The following HS6ST3 variants were observed in gnomAD, a reference collection of about 807,000 sequenced individuals.
The protein encoded by HS6ST3 is heparan sulfate 6-O-sulfotransferase 3, also known as heparan-sulfate 6-O-sulfotransferase 3.
HS6ST3 carries 12 observed loss-of-function variants against 36.7 expected under a neutral mutation model. That is an observed-to-expected ratio of 0.33 (90% confidence interval 0.21 to 0.53). HS6ST3 has a LOEUF of 0.53. HS6ST3 is among the 20% of genes least tolerant of loss of function. The pLI is 0.95. For synonymous variants in HS6ST3, 240 were observed against 257.5 expected, an observed-to-expected ratio of 0.93 and a Z score of 0.65; for missense variants, 584 against 640.9, an observed-to-expected ratio of 0.91 and a Z score of 0.96.
intron 1 of HS6ST3, among the ~76,000 whole-genome samples, chr13:96,257,478 G>A (rs2054642710): frequency 6.6e-6 from 1 of 152,114 alleles, no homozygotes; most frequent in Non-Finnish European, 1.5e-5. Flanking sequence ...GTGCCAAACT[G>A]TTTGGGTTTG....
chr13:96,202,681 T>C (rs554660862), intron 1 of HS6ST3, among the ~76,000 whole-genome samples: 1 of 152,266 alleles, frequency 6.6e-6, no homozygotes, highest in African/African-American at 2.4e-5. Context: ...CCAAGAGCTC[T>C]CAAGGATTTT....
In HS6ST3 at chr13:96,832,694, C is replaced by T. The variant is rs1001089895; in HGVS notation, c.912C>T (p.Asn304=). 21 of 1,613,854 alleles carry T rather than the reference C, an allele frequency of 1.3e-5. No homozygotes were observed. In the Admixed American group the frequency reaches 2.8e-4, roughly 22 times the overall value. Residue 304 remains asparagine, a synonymous_variant, in exon 2 of 2, where the codon AAC becomes AAT. Transcript: ENST00000376705. ...GGGAGTTTATGGATTGCACCTACAA[C>T]CTGGCTAACAATCGCCAGGTGCGCA... The part of the protein sequence containing the change: ...SLREFMDCTY[N]LANNRQVRML...
At chr13:96,523,189 C>T (rs181320780) in intron 1 of HS6ST3, among the ~76,000 whole-genome samples, 7 of 152,222 alleles carry the variant, frequency 4.6e-5, no homozygotes, top group African/African-American at 1.7e-4. Flanking sequence ...GAATATTGGC[C>T]CCCACTCTCT....
intron 1 of HS6ST3, among the ~76,000 whole-genome samples, chr13:96,715,823 T>C (rs1875681630): frequency 6.6e-6 from 1 of 152,168 alleles, no homozygotes; most frequent in Admixed American, 6.5e-5. Context: ...TTAAGAAACA[T>C]GTTATATCTA....
intron 1 of HS6ST3, among the ~76,000 whole-genome samples, chr13:96,669,203 A>G (rs2056675223): frequency 6.6e-6 from 1 of 152,138 alleles, no homozygotes; most frequent in Non-Finnish European, 1.5e-5. Flanking sequence ...CCCTATATGG[A>G]TATTGAGTTT....
chr13:96,650,872 A>G (rs536357973), intron 1 of HS6ST3, among the ~76,000 whole-genome samples: 1 of 152,198 alleles, frequency 6.6e-6, no homozygotes, highest in East Asian at 1.9e-4. Flanking sequence ...CATTCTGTCC[A>G]TTAAATTTCT....
intron 1 of HS6ST3, among the ~76,000 whole-genome samples, chr13:96,605,646 G>A (rs2056436033): frequency 6.6e-6 from 1 of 151,780 alleles, no homozygotes; most frequent in African/African-American, 2.4e-5. Context: ...TCAAGAAAAG[G>A]TTTCATTAAA....
At chr13:96,137,468 C>G (rs1444573517) in intron 1 of HS6ST3, among the ~76,000 whole-genome samples, 6 of 143,938 alleles carry the variant, frequency 4.2e-5, no homozygotes, top group Admixed American at 3.5e-4. Context: ...GAGTCTCGCT[C>G]TGTCACCCAG....
chr13:96,769,773 TGC>T (rs34112219), intron 1 of HS6ST3, among the ~76,000 whole-genome samples: 1,618 of 142,252 alleles, frequency 0.011, 17 homozygotes, highest in Non-Finnish European at 0.016. Context: ...TGTGTGTGTG[TGC>T]GCACATATGT....
intron 1 of HS6ST3, among the ~76,000 whole-genome samples, chr13:96,350,239 A>C (rs1379112639): frequency 6.6e-6 from 1 of 152,246 alleles, no homozygotes; most frequent in Non-Finnish European, 1.5e-5. Context: ...CATCATGCTC[A>C]CAACAGATGT....
intron 1 of HS6ST3, among the ~76,000 whole-genome samples, chr13:96,215,401 C>CGATG (rs774152823): frequency 5.9e-5 from 9 of 152,146 alleles, no homozygotes; most frequent in Non-Finnish European, 8.8e-5. Flanking sequence ...TATGAAATGC[C>CGATG]GATGGCAGTG....
At chr13:96,349,473 T>C (rs776711930) in intron 1 of HS6ST3, among the ~76,000 whole-genome samples, 1 of 152,158 alleles carries the variant, frequency 6.6e-6, no homozygotes, top group Non-Finnish European at 1.5e-5. Context: ...TTTTCAAAAA[T>C]TGAAATAGAA....
chr13:96,654,590 C>T (rs1281250203), intron 1 of HS6ST3, among the ~76,000 whole-genome samples: 4 of 152,174 alleles, frequency 2.6e-5, no homozygotes, highest in Admixed American at 6.6e-5. Context: ...TTACCAGTAC[C>T]GTGCTGTTTT....
In HS6ST3 at chr13:96,508,048, C is replaced by T. The variant is rs570599696; in HGVS notation, c.708-324442C>T. On this transcript the variant is annotated intron_variant, in intron 1 of 1. Coordinates refer to ENST00000376705, the MANE Select transcript of HS6ST3 (RefSeq NM_153456.4). ...CTACATGTTTGAAATTTAGACTTTA[C>T]CTATTGACTCTCTGCTGTGAAAGAG... Among the ~76,000 whole-genome samples, 4 of 152,116 alleles carry T rather than the reference C, an allele frequency of 2.6e-5. No individual in the cohort carries two copies. The South Asian group carries it at 8.3e-4, about 32-fold the overall frequency.
rs2056311928 is a variant in HS6ST3, at chr13:96,574,066, G to T, written c.708-258424G>T. 9.2e-6 allele frequency: 5 copies of T among 542,462 alleles called. No individual in the cohort carries two copies. The Admixed American group carries it at 9.6e-5, about 10-fold the overall frequency. 33.6% of individuals were successfully genotyped at this position (542,462 alleles called of 1,614,324 possible). On this transcript the variant is annotated intron_variant, in intron 1 of 1. Transcript: ENST00000376705. ...CATGGAAGACAGGGAGGGACAAGTGGCTTCATGGCTGCATTGGGACCTTCT... is the reference window on the plus strand; with the variant it reads ...CATGGAAGACAGGGAGGGACAAGTGTCTTCATGGCTGCATTGGGACCTTCT...
chr13:96,159,118 A>G (rs1337454325), intron 1 of HS6ST3, among the ~76,000 whole-genome samples: 1 of 152,172 alleles, frequency 6.6e-6, no homozygotes, highest in Admixed American at 6.5e-5. Context: ...ACAGAGGGGA[A>G]GGAGTATCCA....
chr13:96,529,051 A>G (rs1209612220), intron 1 of HS6ST3, among the ~76,000 whole-genome samples: 2 of 152,164 alleles, frequency 1.3e-5, no homozygotes, highest in Non-Finnish European at 2.9e-5. Context: ...TATTTCTAAT[A>G]TGTATCATTT....
chr13:96,405,751 T>C (rs1214786461), intron 1 of HS6ST3, among the ~76,000 whole-genome samples: 1 of 152,134 alleles, frequency 6.6e-6, no homozygotes, highest in Non-Finnish European at 1.5e-5. Flanking sequence ...GGCCTGCCAG[T>C]GCAAAAAAGG....
intron 1 of HS6ST3, among the ~76,000 whole-genome samples, chr13:96,256,269 T>A (rs2054637226): frequency 6.6e-6 from 1 of 152,180 alleles, no homozygotes; most frequent in Non-Finnish European, 1.5e-5. Flanking sequence ...GAAATGTGAG[T>A]ACCTTGTCAC....
Sources: allele counts gnomAD v4.1 joint callset (sites outside exome capture counted in the v4.1 genomes callset), GRCh38; gene constraint gnomAD v4.1.1; transcripts MANE v1.5; gene names NCBI Gene and HGNC (gene_info 2026-07-23, HGNC 2026-07-21).